The following RYR3 variants were observed in gnomAD, a reference collection of about 807,000 sequenced individuals.
The protein encoded by RYR3 is ryanodine receptor 3.
A neutral mutation model predicts 584.3 loss-of-function variants in RYR3; 207 were observed. That is an observed-to-expected ratio of 0.35 (90% CI 0.32 to 0.40). The LOEUF (loss-of-function observed/expected upper bound fraction) is 0.40. Ranked by LOEUF, RYR3 falls within the 10% of genes least tolerant of loss-of-function variation. The probability of loss-of-function intolerance (pLI) is 1.00; values close to 1 mark genes in which losing one functional copy is unlikely to be tolerated. For synonymous variants in RYR3, 2,416 were observed against 2,248.5 expected, an observed-to-expected ratio of 1.07 and a Z score of -2.11; for missense variants, 5,616 against 6,089.2, an observed-to-expected ratio of 0.92 and a Z score of 2.59.
chr15:33,673,630 A>G (rs114142892), intron 38 of RYR3, among the ~76,000 whole-genome samples: 18 of 152,336 alleles, frequency 1.2e-4, no homozygotes, highest in African/African-American at 4.3e-4. Flanking sequence ...CATTTCCTTC[A>G]ATGTAAATAT....
intron 67 of RYR3, 118 bp downstream of exon 67, chr15:33,788,576 C>T (rs375025859): frequency 2.6e-6 from 3 of 1,140,538 alleles, no homozygotes; most frequent in East Asian, 5.1e-5. Flanking sequence ...GCGATAGCCG[C>T]CCCCACCATT....
intron 8 of RYR3, among the ~76,000 whole-genome samples, chr15:33,546,830 C>T (rs2056279571): frequency 6.6e-6 from 1 of 152,154 alleles, no homozygotes; most frequent in Non-Finnish European, 1.5e-5. Context: ...TATACATTTT[C>T]TTTTCACCAC....
In RYR3 at chr15:33,445,941, C is replaced by T. The variant is rs571731286; in HGVS notation, c.52-27478C>T. Among the ~76,000 whole-genome samples, 58 of 152,160 alleles carry T rather than the reference C, an allele frequency of 3.8e-4. No homozygotes were observed. In the South Asian group the frequency reaches 5.4e-3, roughly 14 times the overall value. On this transcript the variant is annotated intron_variant, in intron 1 of 103. Transcript: ENST00000634891. ...TCCCGAATGTTCTGGGACCCTGAGACGCGTTAGTAGGAAATGTTGTAGACT... is the reference window on the plus strand; with the variant it reads ...TCCCGAATGTTCTGGGACCCTGAGATGCGTTAGTAGGAAATGTTGTAGACT...
intron 45 of RYR3, among the ~76,000 whole-genome samples, chr15:33,725,182 C>CATAT (rs1210417842): frequency 2.0e-5 from 3 of 149,278 alleles, no homozygotes; most frequent in African/African-American, 4.9e-5. Flanking sequence ...CACACACACA[C>CATAT]ACACACACAC....
intron 18 of RYR3, among the ~76,000 whole-genome samples, chr15:33,610,466 C>T (rs1253504259): frequency 6.6e-6 from 1 of 152,148 alleles, no homozygotes; most frequent in Non-Finnish European, 1.5e-5. Context: ...GATCCCCAGT[C>T]CCAGGTGTAG....
chr15:33,825,716 T>A, intron 82 of RYR3, 40 bp downstream of exon 82: 1 of 1,046,402 alleles, frequency 9.6e-7, no homozygotes, highest in Non-Finnish European at 1.4e-6. Context: ...CTCTTCCTGA[T>A]TAAAATCTTT....
At chr15:33,813,077 T>G (rs1371759587) in intron 73 of RYR3, 83 bp downstream of exon 73, 1 of 1,545,636 alleles carries the variant, frequency 6.5e-7, no homozygotes. Context: ...AGCATTCAGG[T>G]ACAAGTGCCC....
At position 33,749,960 on chromosome 15, in the gene RYR3, T is replaced by C. The variant is rs780100279; in HGVS notation, c.8200-19T>C. 4.4e-6 allele frequency: 7 copies of C among 1,608,114 alleles called. No homozygotes were observed. The South Asian group carries it at 7.8e-5, about 18-fold the overall frequency. ...CTGCTTTCTTTCTTTTTGACTTGGC[T>C]CTTCTTGGTGGGACACAGGGAATGG... On this transcript the variant is annotated intron_variant, in intron 55 of 103. Coordinates refer to ENST00000634891, the MANE Select transcript of RYR3 (RefSeq NM_001036.6).
At chr15:33,397,707 A>C (rs2042382511) in intron 1 of RYR3, among the ~76,000 whole-genome samples, 1 of 152,208 alleles carries the variant, frequency 6.6e-6, no homozygotes, top group Non-Finnish European at 1.5e-5. Context: ...AGTGAGAATC[A>C]TAGTTTATTC....
chr15:33,786,851 T>C (rs1199700587), intron 66 of RYR3, among the ~76,000 whole-genome samples: 2 of 152,200 alleles, frequency 1.3e-5, no homozygotes, highest in Admixed American at 1.3e-4. Context: ...AGTGTCCTTC[T>C]GCAGGACCAA....
At chr15:33,322,473 C>T (rs11630715) in intron 1 of RYR3, among the ~76,000 whole-genome samples, 36,762 of 152,022 alleles carry the variant, frequency 0.24, 5,015 homozygotes, top group Middle Eastern at 0.36. Flanking sequence ...GACCCAAACA[C>T]CTCCCACAAG....
At chr15:33,478,512 T>C (rs2049646483) in intron 2 of RYR3, among the ~76,000 whole-genome samples, 2 of 152,152 alleles carry the variant, frequency 1.3e-5, no homozygotes, top group African/African-American at 4.8e-5. Flanking sequence ...GTCTTCCCAG[T>C]CCACATGCAG....
chr15:33,349,745 TC>T (rs1387145887), intron 1 of RYR3, among the ~76,000 whole-genome samples: 4 of 54,510 alleles, frequency 7.3e-5, no homozygotes, highest in African/African-American at 4.0e-4. Context: ...CCCTCCCCCC[TC>T]CCCCCACCCC....
intron 3 of RYR3, among the ~76,000 whole-genome samples, chr15:33,523,846 T>G (rs1446090154): frequency 6.6e-6 from 1 of 152,058 alleles, no homozygotes; most frequent in African/African-American, 2.4e-5. Context: ...GAGGGAGCTA[T>G]GGGGAAGGGA....
rs960734290 is a variant in RYR3 at position 33,311,572 on chromosome 15, G to T, written c.51+476G>T. 3.3e-5 allele frequency among the ~76,000 whole-genome samples: 5 copies of T among 152,204 alleles called. No individual in the cohort carries two copies. The highest frequency in any genetic ancestry group is 7.4e-5 in the Non-Finnish European group (5 of 68,026). On this transcript the variant is annotated intron_variant, in intron 1 of 103. Transcript: ENST00000634891. The surrounding 1 kb of genome is among the most constrained non-coding windows in gnomAD (Gnocchi z 4.4). ...GGGAAGGAGCCAGCGGGGCAGGGGG[G>T]AGTGTGGGGAGCCGGGTCGGAGAAG...
chr15:33,735,059 T>A lies in RYR3; in HGVS notation c.7425-1176T>A, dbSNP rs891179940. 5.8e-4 allele frequency among the ~76,000 whole-genome samples: 89 copies of A among 152,176 alleles called. 1 individual carries two copies. Among genetic ancestry groups the A allele is most frequent in the Admixed American group, 7.9e-4 (12 of 15,282 alleles). ...CCCCTATTACTGTACTTTTAGAGCT[T>A]TTCTTCTTGATCACTTGAGCTCTAG... On this transcript the variant is annotated intron_variant, in intron 48 of 103. Coordinates refer to ENST00000634891, the MANE Select transcript of RYR3 (RefSeq NM_001036.6).
chr15:33,408,481 T>C (rs1278468703), intron 1 of RYR3, among the ~76,000 whole-genome samples: 1 of 152,208 alleles, frequency 6.6e-6, no homozygotes, highest in Non-Finnish European at 1.5e-5. Context: ...ATTGTGTCTT[T>C]TTATTAGAAC....
chr15:33,432,697 T>TGTGTGTGTGTGTGTGTGTGTGTGTGTGTG (rs1555469372), intron 1 of RYR3, among the ~76,000 whole-genome samples: 1 of 148,902 alleles, frequency 6.7e-6, no homozygotes, highest in African/African-American at 2.5e-5. Flanking sequence ...TGTGTGTGTG[T>TGTGTGTGTGTGTGTGTGTGTGTGTGTGTG]TTAAAGTAGA....
At chr15:33,819,631 G>A (rs1447563966) in intron 76 of RYR3, 125 bp from the exon 77 acceptor site, 52 of 504,158 alleles carry the variant, frequency 1.0e-4, no homozygotes, top group Non-Finnish European at 1.2e-4. Flanking sequence ...CCGAGATCGC[G>A]TCATTGCACT....
Sources: allele counts gnomAD v4.1 joint callset (sites outside exome capture counted in the v4.1 genomes callset), GRCh38; gene constraint gnomAD v4.1.1; non-coding constraint Gnocchi (gnomAD v3.1); transcripts MANE v1.5; gene names NCBI Gene and HGNC (gene_info 2026-07-23, HGNC 2026-07-21).